Variants in ZNF600 observed in about 807,000 individuals in gnomAD.
ZNF600 encodes zinc finger protein 600.
A neutral mutation model predicts 7.3 loss-of-function variants in ZNF600; 4 were observed. That is an observed-to-expected ratio of 0.55 (90% CI 0.27 to 1.25). The LOEUF is 1.25. Ranked by LOEUF, ZNF600 falls within the 50% of genes most tolerant of loss-of-function variation. ZNF600 has a pLI of 0.12. For synonymous variants in ZNF600, 290 were observed against 308.9 expected (o/e 0.94, Z 0.64); for missense variants, 911 against 922.1 (o/e 0.99, Z 0.16).
Position 52,774,806 on chromosome 19 carries a change from C to G in ZNF600, c.64-105G>C, listed in dbSNP as rs868146899. 31 of 984,350 alleles carry G rather than the reference C, an allele frequency of 3.1e-5. No individual in the cohort carries two copies. The Middle Eastern group carries it at 1.5e-3, about 49-fold the overall frequency. 61.0% of individuals were successfully genotyped at this position (984,350 alleles called of 1,614,324 possible). A position where few individuals can be genotyped will look rare whatever the true frequency, so the allele number is the denominator to read the frequency against. On this transcript the variant is annotated intron_variant, in intron 2 of 3. Coordinates refer to ENST00000648973, the Ensembl canonical transcript of ZNF600. ...TAAGTATTTGATCAAAGACTGTGTT[C>G]TGACAAAATGTTAAGGTATTTTGAA...
At chr19:52,791,300 C>G (rs1033668322), upstream of ZNF600, among the ~76,000 whole-genome samples, 2 of 152,220 alleles carry the variant, frequency 1.3e-5, no homozygotes, top group African/African-American at 4.8e-5. Context: ...CCAGTGGAGC[C>G]TCTTCCCAAG....
At chr19:52,772,059 T>C (rs1321761653) in intron 3 of ZNF600, among the ~76,000 whole-genome samples, 2 of 152,210 alleles carry the variant, frequency 1.3e-5, no homozygotes, top group African/African-American at 4.8e-5. Flanking sequence ...CATCTAATAG[T>C]ATTCACTTGT....
chr19:52,770,779 G>C (rs975878993), intron 3 of ZNF600, among the ~76,000 whole-genome samples: 1 of 152,106 alleles, frequency 6.6e-6, no homozygotes, highest in African/African-American at 2.4e-5. Flanking sequence ...AGAGAATTTG[G>C]TCATGGGTGT....
the ZNF600 span, chr19:52,809,767 T>G: frequency 1.5e-5 from 7 of 482,554 alleles, no homozygotes; most frequent in Admixed American, 1.2e-4. Flanking sequence ...ATCATGCCAC[T>G]TCACTGCAGC....
At chr19:52,799,444 T>C in the ZNF600 span, 2 of 782,252 alleles carry the variant, frequency 2.6e-6, no homozygotes, top group Non-Finnish European at 4.2e-6. Context: ...TTGTAAAGTT[T>C]CTCTGCAGTA....
chr19:52,790,966 C>A (rs1459092001), upstream of ZNF600, among the ~76,000 whole-genome samples: 1 of 152,042 alleles, frequency 6.6e-6, no homozygotes, highest in Non-Finnish European at 1.5e-5. Flanking sequence ...CAAGTGTGAG[C>A]CACCACACCC....
chr19:52,827,824 C>T, the ZNF600 span, among the ~76,000 whole-genome samples: 20 of 152,050 alleles, frequency 1.3e-4, no homozygotes, highest in East Asian at 2.3e-3. Flanking sequence ...GGATAACAGG[C>T]GTGAGCCACC....
the ZNF600 span, chr19:52,801,407 C>A: frequency 1.2e-6 from 2 of 1,614,162 alleles, no homozygotes; most frequent in Non-Finnish European, 1.7e-6. Flanking sequence ...CAGGCAGATG[C>A]GAATGAAAGC....
At chr19:52,805,391 G>A in the ZNF600 span, 12 of 152,146 alleles carry the variant, frequency 7.9e-5, no homozygotes, top group African/African-American at 2.9e-4. Context: ...TTGGGAGGCT[G>A]AGGCTGGCAG....
the ZNF600 span, among the ~76,000 whole-genome samples, chr19:52,816,132 T>C: frequency 6.8e-6 from 1 of 147,218 alleles, no homozygotes; most frequent in Admixed American, 6.8e-5. Flanking sequence ...GGAGATGCCT[T>C]ATGGCAAAGG....
At chr19:52,827,116 A>T in the ZNF600 span, among the ~76,000 whole-genome samples, 1 of 151,846 alleles carries the variant, frequency 6.6e-6, no homozygotes. Context: ...ATGGTGACAC[A>T]TGCCTGTCAT....
chr19:52,821,244 G>A, the ZNF600 span, among the ~76,000 whole-genome samples: 169 of 151,776 alleles, frequency 1.1e-3, 2 homozygotes, highest in East Asian at 4.7e-3. Context: ...AACCCAGGAG[G>A]ATGAGGCTGG....
downstream of ZNF600, chr19:52,764,522 T>A (rs887346429): frequency 9.3e-5 from 14 of 150,328 alleles, no homozygotes; most frequent in African/African-American, 3.2e-4. Flanking sequence ...GATATCCTTT[T>A]TTTTTTTTTT....
chr19:52,793,125 G>A, the ZNF600 span, among the ~76,000 whole-genome samples: 1 of 151,972 alleles, frequency 6.6e-6, no homozygotes, highest in African/African-American at 2.4e-5. Flanking sequence ...TGAGTTGACT[G>A]TAATGTACGC....
intron 2 of ZNF600, among the ~76,000 whole-genome samples, 170 bp from the exon 5 acceptor site, chr19:52,774,871 T>C (rs577574426): frequency 6.6e-6 from 1 of 152,310 alleles, no homozygotes; most frequent in East Asian, 1.9e-4. Flanking sequence ...TACTTTTCTT[T>C]GAAAGATTTT....
chr19:52,767,103 T>C (rs1465940428), exon 4 of ZNF600: 2 of 1,613,896 alleles, frequency 1.2e-6, no homozygotes, highest in East Asian at 2.2e-5. Flanking sequence ...ATTACACTTG[T>C]AAGGTTTCTC....
At chr19:52,771,024 G>A (rs1473600325) in intron 3 of ZNF600, among the ~76,000 whole-genome samples, 2 of 152,074 alleles carry the variant, frequency 1.3e-5, no homozygotes, top group Non-Finnish European at 2.9e-5. Flanking sequence ...GTAGAGACAT[G>A]GTTTCTCCAT....
chr19:52,776,267 G>A (rs1291074930), intron 2 of ZNF600, among the ~76,000 whole-genome samples: 1 of 151,818 alleles, frequency 6.6e-6, no homozygotes. Context: ...AAACGCTGAA[G>A]TAACAGATAC....
the ZNF600 span, among the ~76,000 whole-genome samples, chr19:52,819,754 G>A: frequency 2.1e-5 from 3 of 143,532 alleles, 1 homozygote; most frequent in African/African-American, 8.5e-5. Context: ...ACATGCCTGG[G>A]TTAAAGAAAA....
Sources: allele counts gnomAD v4.1 joint callset (sites outside exome capture counted in the v4.1 genomes callset), GRCh38; gene constraint gnomAD v4.1.1; transcripts MANE v1.5; gene names NCBI Gene and HGNC (gene_info 2026-07-23, HGNC 2026-07-21).